ANO2: variants seen among roughly 807,000 people sequenced by gnomAD.
ANO2 encodes the protein anoctamin 2.
Under a neutral mutation model 124.2 loss-of-function variants are expected in ANO2, and 101 were observed. The ratio of observed to expected loss-of-function variants is 0.81; its 90% confidence interval spans 0.69 to 0.96. ANO2 has a LOEUF of 0.96. ANO2 is among the 40% of genes least tolerant of loss of function. The probability of loss-of-function intolerance (pLI) is 0.00; values close to 1 mark genes in which losing one functional copy is unlikely to be tolerated. For missense variants in ANO2, 1,293 were observed against 1,274.5 expected, an observed-to-expected ratio of 1.01 and a Z score of -0.22; for synonymous variants, 486 against 482.5, an observed-to-expected ratio of 1.01 and a Z score of -0.09.
chr12:5,842,658 T>C (rs1954551530), intron 4 of ANO2, among the ~76,000 whole-genome samples: 1 of 152,144 alleles, frequency 6.6e-6, no homozygotes, highest in African/African-American at 2.4e-5. Flanking sequence ...CTGTTGTGGG[T>C]GCTGCTGATA....
chr12:5,622,562 A>C (rs1245275544), intron 16 of ANO2, among the ~76,000 whole-genome samples: 1 of 152,152 alleles, frequency 6.6e-6, no homozygotes, highest in Non-Finnish European at 1.5e-5. Context: ...GAACAAATGA[A>C]GGTTTGAGGC....
intron 14 of ANO2, among the ~76,000 whole-genome samples, chr12:5,711,152 T>C (rs901380075): frequency 1.4e-5 from 2 of 144,948 alleles, no homozygotes; most frequent in Non-Finnish European, 3.0e-5. Context: ...AGCGAGACTC[T>C]GTCTCAAAAA....
chr12:5,696,637 A>T (rs1949192832), intron 14 of ANO2, among the ~76,000 whole-genome samples: 1 of 152,216 alleles, frequency 6.6e-6, no homozygotes, highest in South Asian at 2.1e-4. Flanking sequence ...GGCTTGTACA[A>T]TCTTGGCCCT....
At chr12:5,759,958 T>C (rs879360872) in intron 10 of ANO2, among the ~76,000 whole-genome samples, 1 of 116,920 alleles carries the variant, frequency 8.6e-6, no homozygotes, top group African/African-American at 3.2e-5. Context: ...AGTAGAAATT[T>C]GGATCTACAC....
intron 3 of ANO2, among the ~76,000 whole-genome samples, chr12:5,887,645 C>A (rs1202219992): frequency 6.6e-6 from 1 of 152,152 alleles, no homozygotes; most frequent in South Asian, 2.1e-4. Flanking sequence ...GCACTGTATA[C>A]GGCTTTCGAA....
chr12:5,591,295 AGGGTGT>A (rs983598391), intron 20 of ANO2, among the ~76,000 whole-genome samples: 65 of 152,326 alleles, frequency 4.3e-4, no homozygotes, highest in African/African-American at 1.4e-3. Context: ...CTTAGGGGAA[AGGGTGT>A]GGGAAGTGCG....
chr12:5,655,452 G>T (rs1947108792), intron 14 of ANO2, among the ~76,000 whole-genome samples: 1 of 152,204 alleles, frequency 6.6e-6, no homozygotes, highest in Non-Finnish European at 1.5e-5. Flanking sequence ...TGGGGCCTGA[G>T]AATTTGCATT....
chr12:5,889,375 C>G (rs1939225127), intron 3 of ANO2, among the ~76,000 whole-genome samples: 1 of 152,268 alleles, frequency 6.6e-6, no homozygotes, highest in Non-Finnish European at 1.5e-5. Context: ...GCAAGGACTG[C>G]CAGCACGCTG....
At chr12:5,837,369 T>G (rs1428805830) in intron 4 of ANO2, among the ~76,000 whole-genome samples, 1 of 136,156 alleles carries the variant, frequency 7.3e-6, no homozygotes, top group Non-Finnish European at 1.5e-5. Flanking sequence ...AGGGTACATG[T>G]GCACATTGTG....
At chr12:5,633,645 C>T (rs1284008078) in intron 16 of ANO2, among the ~76,000 whole-genome samples, 1 of 152,180 alleles carries the variant, frequency 6.6e-6, no homozygotes, top group East Asian at 1.9e-4. Flanking sequence ...CTCCATCGTG[C>T]CCTGGATGTG....
chr12:5,913,774 G>A (rs192323077), intron 3 of ANO2, among the ~76,000 whole-genome samples: 29 of 152,320 alleles, frequency 1.9e-4, no homozygotes, highest in African/African-American at 6.3e-4. Context: ...AAAACCACAC[G>A]TGATGAGGCT....
At chr12:5,938,922 T>A (rs11063941) in intron 1 of ANO2, among the ~76,000 whole-genome samples, 14,793 of 151,842 alleles carry the variant, frequency 0.097, 1,154 homozygotes, top group African/African-American at 0.21. Flanking sequence ...TATTTTTTTT[T>A]AAAAATAATT....
chr12:5,644,844 T>A (rs2136952286), intron 15 of ANO2, among the ~76,000 whole-genome samples: 1 of 152,360 alleles, frequency 6.6e-6, no homozygotes, highest in Non-Finnish European at 1.5e-5. Context: ...GAATTCTTAG[T>A]TAGAAATTGT....
At chr12:5,756,609 G>C (rs1189292506) in intron 10 of ANO2, among the ~76,000 whole-genome samples, 1 of 152,234 alleles carries the variant, frequency 6.6e-6, no homozygotes, top group South Asian at 2.1e-4. Flanking sequence ...GGGTCCAAGG[G>C]TGGATCTGCT....
intron 10 of ANO2, among the ~76,000 whole-genome samples, chr12:5,798,356 C>T (rs78056759): frequency 0.035 from 5,380 of 152,204 alleles, 112 homozygotes; most frequent in African/African-American, 0.048. Context: ...TCCAACCAAG[C>T]TCTGTCCGCT....
chr12:5,913,086 C>T (rs897530060), intron 3 of ANO2, among the ~76,000 whole-genome samples: 1 of 152,212 alleles, frequency 6.6e-6, no homozygotes, highest in African/African-American at 2.4e-5. Context: ...CCAGCACCAG[C>T]AGCCTGCCCT....
chr12:5,690,453 C>T (rs1178008129), intron 14 of ANO2, among the ~76,000 whole-genome samples: 3 of 152,336 alleles, frequency 2.0e-5, no homozygotes, highest in African/African-American at 4.8e-5. Flanking sequence ...GCCAGCTTCA[C>T]GTTAACACAA....
Position 5,873,244 on chromosome 12 carries a change from T to TCTCTCTCC in ANO2, c.535-19104_535-19103insGGAGAGAG, listed in dbSNP as rs1253108658. 1.2e-3 allele frequency among the ~76,000 whole-genome samples: 173 copies of TCTCTCTCC among 141,802 alleles called. 4 individuals carry two copies. Among genetic ancestry groups the TCTCTCTCC allele is most frequent in the African/African-American group, 4.9e-3 (166 of 34,206 alleles). The allele number at this position is 141,802 out of a possible 152,430, so 93.0% of individuals were successfully genotyped here. On this transcript the variant is annotated intron_variant, in intron 3 of 24. Coordinates refer to ENST00000682330, the MANE Select transcript of ANO2 (RefSeq NM_001364791.2). ...CTCTCTCTCTCTCTCTCTCTCTCTC[T>TCTCTCTCC]CTGTCTGTCTCTCTCCCTTTCTCTC...
chr12:5,694,139 G>A (rs1369542816), intron 14 of ANO2, among the ~76,000 whole-genome samples: 1 of 151,608 alleles, frequency 6.6e-6, no homozygotes, highest in African/African-American at 2.4e-5. Context: ...TACCAGCTCT[G>A]TTTGATTCCA....
Sources: gnomAD v4.1 joint callset for allele counts (sites outside exome capture counted in the v4.1 genomes callset) on GRCh38, gnomAD v4.1.1 for gene constraint, MANE v1.5 for transcripts, NCBI Gene and HGNC (gene_info 2026-07-23, HGNC 2026-07-21) for gene names.